The following CNBD1 variants were observed in gnomAD, a reference collection of about 807,000 sequenced individuals.
The protein encoded by CNBD1 is cyclic nucleotide-binding domain-containing protein 1.
In CNBD1, 71 loss-of-function variants were observed where a neutral mutation model predicts 54.4. That is an observed-to-expected ratio of 1.30 (90% CI 1.08 to 1.59). The LOEUF (loss-of-function observed/expected upper bound fraction) is 1.59. Among genes scored for constraint, CNBD1 ranks in the 40% most tolerant of loss-of-function variants. CNBD1 has a pLI of 0.00. For missense variants in CNBD1, 659 were observed against 518.0 expected (o/e 1.27, Z -2.64); for synonymous variants, 182 against 170.7 (o/e 1.07, Z -0.51).
At chr8:87,188,940 G>A (rs1481371997) in intron 4 of CNBD1, among the ~76,000 whole-genome samples, 13 of 150,966 alleles carry the variant, frequency 8.6e-5, no homozygotes, top group African/African-American at 3.2e-4. Flanking sequence ...AAGATAAATA[G>A]TGTGATTATA....
chr8:87,158,506 G>T (rs1014012932), intron 4 of CNBD1, among the ~76,000 whole-genome samples: 1 of 152,106 alleles, frequency 6.6e-6, no homozygotes, highest in South Asian at 2.1e-4. Flanking sequence ...ATTTTTAAGG[G>T]TTCACTTTCC....
intron 4 of CNBD1, among the ~76,000 whole-genome samples, chr8:86,997,536 T>C (rs149711037): frequency 2.6e-5 from 4 of 152,162 alleles, no homozygotes; most frequent in Non-Finnish European, 4.4e-5. Context: ...TGAGAAATAG[T>C]GTTCAGAGAA....
intron 2 of CNBD1, among the ~76,000 whole-genome samples, chr8:87,412,795 A>G (rs750395445): frequency 6.7e-6 from 1 of 150,306 alleles, no homozygotes; most frequent in African/African-American, 2.5e-5. Flanking sequence ...AACATCAAGA[A>G]GAGGAGAAAA....
At chr8:86,959,231 TG>T (rs1807864532) in intron 4 of CNBD1, among the ~76,000 whole-genome samples, 1 of 152,254 alleles carries the variant, frequency 6.6e-6, no homozygotes, top group African/African-American at 2.4e-5. Flanking sequence ...GTTAGTCTGA[TG>T]GGCTTCCCTT....
intron 2 of CNBD1, among the ~76,000 whole-genome samples, chr8:87,395,091 A>G (rs1811385526): frequency 1.3e-5 from 2 of 151,946 alleles, no homozygotes; most frequent in African/African-American, 4.8e-5. Context: ...ATAAAGTTAA[A>G]TGTATGCTTT....
At chr8:87,296,534 A>G (rs1053141848) in intron 8 of CNBD1, among the ~76,000 whole-genome samples, 5 of 152,092 alleles carry the variant, frequency 3.3e-5, no homozygotes, top group African/African-American at 1.2e-4. Flanking sequence ...ATGTCTAACA[A>G]GAGGACATAA....
At chr8:87,240,772 C>A (rs1029783852) in intron 6 of CNBD1, among the ~76,000 whole-genome samples, 7 of 152,078 alleles carry the variant, frequency 4.6e-5, no homozygotes, top group Admixed American at 4.6e-4. Context: ...AATATAGGCT[C>A]GTTTTCTCAG....
At chr8:87,287,669 T>C (rs1322189749) in intron 8 of CNBD1, among the ~76,000 whole-genome samples, 1 of 152,110 alleles carries the variant, frequency 6.6e-6, no homozygotes, top group Admixed American at 6.6e-5. Context: ...AGGGAAACAC[T>C]GTAACACAGG....
At chr8:86,950,373 A>C (rs1807587104) in intron 4 of CNBD1, among the ~76,000 whole-genome samples, 1 of 152,064 alleles carries the variant, frequency 6.6e-6, no homozygotes, top group African/African-American at 2.4e-5. Context: ...CAGCCTATCA[A>C]CTGCTTTTTA....
chr8:87,371,386 T>C (rs1296677777), intron 10 of CNBD1, among the ~76,000 whole-genome samples: 1 of 152,082 alleles, frequency 6.6e-6, no homozygotes, highest in Non-Finnish European at 1.5e-5. Context: ...CATTTGTTTG[T>C]ATCCTCTTTT....
chr8:87,114,815 T>C (rs1310026415), intron 4 of CNBD1, among the ~76,000 whole-genome samples: 1 of 152,204 alleles, frequency 6.6e-6, no homozygotes, highest in Non-Finnish European at 1.5e-5. Context: ...GGTATACCCT[T>C]TATAACTACT....
At chr8:87,165,385 C>T (rs946011937) in intron 4 of CNBD1, among the ~76,000 whole-genome samples, 11 of 151,750 alleles carry the variant, frequency 7.2e-5, no homozygotes, top group Non-Finnish European at 1.5e-4. Context: ...ATATTGCTGT[C>T]CAATTCTTCT....
intron 6 of CNBD1, among the ~76,000 whole-genome samples, chr8:87,273,861 T>G (rs1180651940): frequency 6.6e-6 from 1 of 151,678 alleles, no homozygotes; most frequent in Non-Finnish European, 1.5e-5. Flanking sequence ...CATGCTGGTG[T>G]GCTGCACCCA....
At chr8:87,208,793 T>G (rs1231380751) in intron 5 of CNBD1, among the ~76,000 whole-genome samples, 1 of 152,116 alleles carries the variant, frequency 6.6e-6, no homozygotes, top group African/African-American at 2.4e-5. Flanking sequence ...TCTATTTCTT[T>G]CACTTTATTT....
intron 5 of CNBD1, among the ~76,000 whole-genome samples, chr8:87,235,022 T>C (rs1028254843): frequency 1.3e-5 from 2 of 152,218 alleles, no homozygotes; most frequent in Non-Finnish European, 2.9e-5. Flanking sequence ...CTTTATGTTA[T>C]AGATATGTCT....
chr8:87,318,174 CTT>C (rs1045325356), intron 8 of CNBD1, among the ~76,000 whole-genome samples: 5 of 128,246 alleles, frequency 3.9e-5, no homozygotes, highest in Non-Finnish European at 8.9e-5. Context: ...TAATATCTCT[CTT>C]ATTTCTGGTT....
At chr8:87,150,909 C>T (rs1221958724) in intron 4 of CNBD1, among the ~76,000 whole-genome samples, 1 of 152,118 alleles carries the variant, frequency 6.6e-6, no homozygotes, top group African/African-American at 2.4e-5. Flanking sequence ...AATTACATCT[C>T]AAGAAGCAGA....
chr8:87,397,197 G>C (rs1369680861), intron 2 of CNBD1, among the ~76,000 whole-genome samples: 3 of 151,320 alleles, frequency 2.0e-5, no homozygotes, highest in Non-Finnish European at 4.4e-5. Flanking sequence ...ATTTCTTTCA[G>C]AGCTGCAAAG....
intron 4 of CNBD1, among the ~76,000 whole-genome samples, chr8:87,111,908 A>C (rs1307942924): frequency 6.6e-6 from 1 of 152,014 alleles, no homozygotes; most frequent in Non-Finnish European, 1.5e-5. Context: ...CATTATCTCC[A>C]TTACTACCAG....
Sources: allele counts gnomAD v4.1 joint callset (sites outside exome capture counted in the v4.1 genomes callset), GRCh38; gene constraint gnomAD v4.1.1; transcripts MANE v1.5; gene names NCBI Gene and HGNC (gene_info 2026-07-23, HGNC 2026-07-21).